KCNQ2: variants seen among roughly 807,000 people sequenced by gnomAD.
KCNQ2 encodes the protein potassium voltage-gated channel subfamily Q member 2.
In KCNQ2, 14 loss-of-function variants were observed where a neutral mutation model predicts 84.8. That is an observed-to-expected ratio of 0.17 (90% CI 0.11 to 0.26). KCNQ2 has a LOEUF of 0.26. KCNQ2 is among the 10% of genes least tolerant of loss of function. KCNQ2 has a pLI of 1.00. For missense variants in KCNQ2, 788 were observed against 1,254.0 expected, an observed-to-expected ratio of 0.63 and a Z score of 5.61; for synonymous variants, 599 against 554.1, an observed-to-expected ratio of 1.08 and a Z score of -1.14.
rs1169816239 is a variant in KCNQ2, at chr20:63,405,191, A to C, written c.*1453T>G. 1 of 152,264 alleles carries C rather than the reference A, an allele frequency of 6.6e-6. No homozygotes were observed. The highest frequency in any genetic ancestry group is 1.5e-5 in the Non-Finnish European group (1 of 68,090). 9.4% of individuals were successfully genotyped at this position (152,264 alleles called of 1,614,324 possible). ...AGAAACGGGCCCAGGACTCCCCTGC[A>C]CTTGCTCTGCAGGAGTATTTGCGCC... On this transcript the variant is annotated 3_prime_UTR_variant, in exon 17 of 17. Coordinates refer to ENST00000359125, the MANE Select transcript of KCNQ2 (RefSeq NM_172107.4).
At chr20:63,441,081 C>G in intron 5 of KCNQ2, among the ~76,000 whole-genome samples, 1 of 266 alleles carries the variant, frequency 3.8e-3, no homozygotes, top group Non-Finnish European at 6.8e-3. Context: ...CATTCTCCTG[C>G]CTCAGCCTCC....
At chr20:63,464,444 A>G (rs536973091) in intron 1 of KCNQ2, among the ~76,000 whole-genome samples, 1 of 152,174 alleles carries the variant, frequency 6.6e-6, no homozygotes, top group South Asian at 2.1e-4. Context: ...AGCTCTGTGG[A>G]GAGCTCCCGT....
intron 1 of KCNQ2, among the ~76,000 whole-genome samples, chr20:63,462,663 G>A (rs537873401): frequency 6.6e-6 from 1 of 152,344 alleles, no homozygotes; most frequent in African/African-American, 2.4e-5. Context: ...CAGCTTCTAG[G>A]AATTCATCCT....
At chr20:63,435,060 G>C (rs4809559) in intron 7 of KCNQ2, among the ~76,000 whole-genome samples, 124,741 of 152,096 alleles carry the variant, frequency 0.82, 51,258 homozygotes, top group South Asian at 0.91. Context: ...CAGCAGGGGG[G>C]GCGGTGTCCA....
chr20:63,419,985 A>C (rs1158787643), intron 11 of KCNQ2, among the ~76,000 whole-genome samples: 1 of 152,248 alleles, frequency 6.6e-6, no homozygotes, highest in Non-Finnish European at 1.5e-5. Context: ...TGCTGACAAA[A>C]CAATAATACA....
At chr20:63,463,453 C>A (rs1197193599) in intron 1 of KCNQ2, among the ~76,000 whole-genome samples, 1 of 152,078 alleles carries the variant, frequency 6.6e-6, no homozygotes, top group Non-Finnish European at 1.5e-5. Flanking sequence ...CAGGGCTCAG[C>A]CTCCATGACA....
intron 10 of KCNQ2, 77 bp downstream of exon 10, chr20:63,428,290 C>A: frequency 2.7e-6 from 3 of 1,093,652 alleles, no homozygotes; most frequent in Non-Finnish European, 4.1e-6. Context: ...ACTGTCCTGG[C>A]GTGTCTTCTG....
Position 63,460,486 on chromosome 20 carries a change from C to G in KCNQ2, c.296+11682G>C, listed in dbSNP as rs988854871. Among the ~76,000 whole-genome samples, 2 of 151,994 alleles carry G rather than the reference C, an allele frequency of 1.3e-5. No homozygotes were observed. Among genetic ancestry groups the G allele is most frequent in the Non-Finnish European group, 1.5e-5 (1 of 67,954 alleles). On this transcript the variant is annotated intron_variant, in intron 1 of 16. Coordinates refer to ENST00000359125, the MANE Select transcript of KCNQ2 (RefSeq NM_172107.4). This position sits in a 1 kb window ranked among gnomAD's most constrained non-coding sequence, Gnocchi z 5.4. ...CCCTGAGACAGCCACGCCTAACCCC[C>G]TCCCAAGCAGGCCAGTGCCCTCAGC...
chr20:63,411,627 C>T, intron 15 of KCNQ2: 1 of 463,612 alleles, frequency 2.2e-6, no homozygotes, highest in Non-Finnish European at 3.9e-6. Context: ...AGGGCCTTCT[C>T]CCTCTTGTGG....
Position 63,438,715 on chromosome 20 carries a change from G to T in KCNQ2, c.933C>A (p.Ile311=). Residue 311 remains isoleucine (I), a synonymous_variant, in exon 7 of 17, where the codon ATC becomes ATA. Transcript: ENST00000359125. The surrounding 1 kb of genome is among the most constrained non-coding windows in gnomAD (Gnocchi z 5.1). ...CCTTCAGGGCAAACCCAGACCCCAA[G>T]ATGCCCTGCAATTCATCAGGGTCAG... is the stretch of plus-strand genomic sequence containing the variant. ...GVSFFALPAG[I]LGSGFALKVQ... 6.2e-7 allele frequency: 1 copy of T among 1,613,338 alleles called. No homozygotes were observed.
At chr20:63,439,970 C>G (rs924199748) in intron 5 of KCNQ2, among the ~76,000 whole-genome samples, 1 of 152,254 alleles carries the variant, frequency 6.6e-6, no homozygotes, top group African/African-American at 2.4e-5. Flanking sequence ...ACCAGAGGCC[C>G]AGCGACGTGA....
At chr20:63,440,149 G>A (rs935523691) in intron 5 of KCNQ2, among the ~76,000 whole-genome samples, 1 of 152,212 alleles carries the variant, frequency 6.6e-6, no homozygotes, top group Non-Finnish European at 1.5e-5. Context: ...GTGGGCAGGA[G>A]GAGGCCACCA....
chr20:63,432,001 G>A (rs2080810420), intron 8 of KCNQ2, among the ~76,000 whole-genome samples: 1 of 148,676 alleles, frequency 6.7e-6, no homozygotes, highest in Non-Finnish European at 1.5e-5. Context: ...CCCACCCTCA[G>A]GGAAGGCCCC....
At chr20:63,440,398 G>T (rs1342518549) in intron 5 of KCNQ2, among the ~76,000 whole-genome samples, 1 of 152,170 alleles carries the variant, frequency 6.6e-6, no homozygotes, top group Non-Finnish European at 1.5e-5. Flanking sequence ...CTGTGCCGGG[G>T]CCGAGGAAGG....
Position 63,408,472 on chromosome 20 carries a change from C to A in KCNQ2, c.1828G>T (p.Glu610Ter). 6.2e-7 allele frequency: 1 copy of A among 1,607,570 alleles called. No individual in the cohort carries two copies. Among genetic ancestry groups the A allele is most frequent in the East Asian group, 2.2e-5 (1 of 44,544 alleles). ...TDKDRTKGPA[E>*]AELPEDPSMM... ...CTGGGGTCCTCGGGCAGCTCCGCCTCGGCCGGGCCCTTGGTGCGGTCCTTG... is the reference window on the plus strand; with the variant it reads ...CTGGGGTCCTCGGGCAGCTCCGCCTAGGCCGGGCCCTTGGTGCGGTCCTTG... The change falls in exon 16 of 17, where the codon GAG (glutamate) becomes TAG (stop). Residue 610 changes from glutamate to a stop codon, truncating the protein, a stop_gained. Transcript: ENST00000359125. LOFTEE classifies it high-confidence loss of function. This position sits in a 1 kb window ranked among gnomAD's most constrained non-coding sequence, Gnocchi z 5.0.
chr20:63,411,956 G>T, intron 15 of KCNQ2: 1 of 686,980 alleles, frequency 1.5e-6, no homozygotes, highest in South Asian at 1.6e-5. Context: ...AGCTGGCCAG[G>T]AACTGGCGGA....
In KCNQ2 at chr20:63,414,276, C is replaced by T. The variant is rs931886897; in HGVS notation, c.1526-83G>A. The T allele has an allele frequency of 5.8e-6, 6 of 1,028,230 alleles. No individual in the cohort carries two copies. In the East Asian group the frequency reaches 1.3e-4, roughly 21 times the overall value. 63.7% of individuals were successfully genotyped at this position (1,028,230 alleles called of 1,614,324 possible). ...GGTCCTGCAGGGCACACCGGCTAGA[C>T]AGAGCGCCAGGGAGCCCCTCGAGGC... On this transcript the variant is annotated intron_variant, in intron 13 of 16. Transcript: ENST00000359125. The surrounding 1 kb of genome is among the most constrained non-coding windows in gnomAD (Gnocchi z 6.6).
intron 7 of KCNQ2, among the ~76,000 whole-genome samples, chr20:63,437,113 C>T (rs867053346): frequency 3.9e-5 from 6 of 152,114 alleles, no homozygotes; most frequent in African/African-American, 4.8e-5. Flanking sequence ...TGGGAAACCA[C>T]GAAATTTGTG....
chr20:63,462,422 G>A (rs1229841260), intron 1 of KCNQ2, among the ~76,000 whole-genome samples: 1 of 151,782 alleles, frequency 6.6e-6, no homozygotes. Context: ...AGGGAGCAGG[G>A]AGGAGGTGGC....
Sources: gnomAD v4.1 joint callset for allele counts (sites outside exome capture counted in the v4.1 genomes callset) on GRCh38, gnomAD v4.1.1 for gene constraint, Gnocchi (gnomAD v3.1) non-coding constraint, MANE v1.5 for transcripts, NCBI Gene and HGNC (gene_info 2026-07-23, HGNC 2026-07-21) for gene names.